The following BTD variants were observed in gnomAD, a reference collection of about 807,000 sequenced individuals.
The protein encoded by BTD is biocytinase.
A neutral mutation model predicts 17.7 loss-of-function variants in BTD; 13 were observed. The observed-to-expected ratio is 0.74, with a 90% CI of 0.48 to 1.17. The LOEUF is 1.17. Among genes scored for constraint, BTD ranks in the 50% most tolerant of loss-of-function variants. BTD has a pLI of 0.00. For missense variants in BTD, 674 were observed against 650.4 expected (o/e 1.04, Z -0.39); for synonymous variants, 240 against 245.2 (o/e 0.98, Z 0.20).
chr3:15,609,180 T>C (rs1385697176), intron 1 of BTD, among the ~76,000 whole-genome samples: 3 of 152,160 alleles, frequency 2.0e-5, no homozygotes, highest in Non-Finnish European at 4.4e-5. Context: ...AAAAATACAT[T>C]TAACATTTAT....
Position 15,614,565 on chromosome 3 carries a change from T to C in BTD, c.-17+12671T>C, listed in dbSNP as rs542733197. ...ATTCTAACGGCCATGCCACAAAATGTCTCCATTTGGTTTTATTTGACAATA... is the reference window on the plus strand; with the variant it reads ...ATTCTAACGGCCATGCCACAAAATGCCTCCATTTGGTTTTATTTGACAATA... On this transcript the variant is annotated intron_variant, in intron 1 of 3. Coordinates refer to ENST00000643237, the MANE Select transcript of BTD (RefSeq NM_001370658.1). Among the ~76,000 whole-genome samples, 5 of 151,992 alleles carry C rather than the reference T, an allele frequency of 3.3e-5. No homozygotes were observed. The South Asian group carries it at 1.0e-3, about 31-fold the overall frequency.
At chr3:15,614,888 C>T (rs924893813) in intron 1 of BTD, among the ~76,000 whole-genome samples, 6 of 152,284 alleles carry the variant, frequency 3.9e-5, no homozygotes, top group African/African-American at 1.4e-4. Flanking sequence ...TGAGCCACCA[C>T]TCCCAGCCAA....
intron 1 of BTD, among the ~76,000 whole-genome samples, chr3:15,623,580 T>C (rs2065001389): frequency 6.6e-6 from 1 of 152,234 alleles, no homozygotes; most frequent in South Asian, 2.1e-4. Context: ...TTCTCTGCTT[T>C]TGAAGGTTAA....
intron 3 of BTD, among the ~76,000 whole-genome samples, chr3:15,663,830 T>C (rs958127976): frequency 6.6e-6 from 1 of 152,246 alleles, no homozygotes; most frequent in African/African-American, 2.4e-5. Flanking sequence ...TTAATTCTTG[T>C]CTTCTGCTTA....
At chr3:15,706,500 T>C (rs183092951) in intron 3 of BTD, among the ~76,000 whole-genome samples, 37 of 152,308 alleles carry the variant, frequency 2.4e-4, no homozygotes, top group African/African-American at 8.7e-4. Flanking sequence ...TGATGGACAT[T>C]TGGGGTGGTT....
At chr3:15,605,211 A>G (rs540844881) in intron 1 of BTD, among the ~76,000 whole-genome samples, 7 of 152,372 alleles carry the variant, frequency 4.6e-5, no homozygotes, top group African/African-American at 1.4e-4. Context: ...ACAGTTCCAC[A>G]TGGCTGGAGA....
At chr3:15,721,205 T>C in intron 4 of BTD, 1 of 1,204,710 alleles carries the variant, frequency 8.3e-7, no homozygotes, top group Non-Finnish European at 1.2e-6. Flanking sequence ...TAGCAACCTG[T>C]GGTTGCAATC....
exon 4 of BTD, among the ~76,000 whole-genome samples, chr3:15,711,552 C>T (rs2072277036): frequency 6.6e-6 from 1 of 152,028 alleles, no homozygotes; most frequent in Non-Finnish European, 1.5e-5. Context: ...TGGGTGAGTC[C>T]ATTTATAGGA....
intron 3 of BTD, among the ~76,000 whole-genome samples, chr3:15,672,837 A>C (rs1182228476): frequency 6.6e-6 from 1 of 152,184 alleles, no homozygotes; most frequent in South Asian, 2.1e-4. Context: ...GTGCACTGGC[A>C]TGATCTCGGC....
chr3:15,615,321 G>A (rs2064761443), intron 1 of BTD, among the ~76,000 whole-genome samples: 1 of 152,150 alleles, frequency 6.6e-6, no homozygotes, highest in African/African-American at 2.4e-5. Flanking sequence ...ATTTTCCCCT[G>A]CTCAGAGCCC....
intron 1 of BTD, among the ~76,000 whole-genome samples, chr3:15,625,900 GTGTT>G (rs1396564899): frequency 3.3e-5 from 5 of 152,158 alleles, no homozygotes; most frequent in African/African-American, 7.2e-5. Flanking sequence ...GCCTTCCAAA[GTGTT>G]TGTTTATGAT....
chr3:15,652,104 G>A lies in BTD; in HGVS notation c.*6616G>A, dbSNP rs1010402711. Reference sequence around the variant, plus strand: ...AGCACTTTGGGAGGCCAAGCCTGGCGGATCACAAGGTTAGGAGTTCAAGAC... The same window carrying A: ...AGCACTTTGGGAGGCCAAGCCTGGCAGATCACAAGGTTAGGAGTTCAAGAC... On this transcript the variant is annotated 3_prime_UTR_variant, in exon 4 of 4. Coordinates refer to ENST00000643237, the MANE Select transcript of BTD (RefSeq NM_001370658.1). Among the ~76,000 whole-genome samples the A allele has an allele frequency of 7.2e-5, 11 of 152,198 alleles. No individual in the cohort carries two copies. The highest frequency in any genetic ancestry group is 1.2e-4 in the African/African-American group (5 of 41,452).
rs1553573254 is a variant in BTD, at chr3:15,674,196, A to AAAGAAG, written c.399+32145_399+32150dup. Among the ~76,000 whole-genome samples the AAAGAAG allele has an allele frequency of 6.0e-4, 78 of 130,166 alleles. 4 individuals are homozygous for AAAGAAG. The highest frequency in any genetic ancestry group is 2.5e-3 in the African/African-American group (77 of 30,758). 85.4% of individuals were successfully genotyped at this position (130,166 alleles called of 152,430 possible). A position where few individuals can be genotyped will look rare whatever the true frequency, so the allele number is the denominator to read the frequency against. On this transcript the variant is annotated intron_variant, in intron 3 of 3. Coordinates refer to the BTD transcript ENST00000672141. Reference sequence around the variant, plus strand: ...CTTCAAAAAAAAAAAAAAAAAAAAAAAAGAAGAAGAACCGAAATTCAAGAG... The same window carrying AAAGAAG: ...CTTCAAAAAAAAAAAAAAAAAAAAAAAAGAAGAAGAAGAAGAACCGAAATTCAAGAG...
At chr3:15,642,206 A>G (rs997674302) in intron 3 of BTD, 149 bp downstream of exon 3, 11 of 1,505,610 alleles carry the variant, frequency 7.3e-6, no homozygotes, top group East Asian at 4.9e-5. Context: ...CATGTGCCAC[A>G]TGTTCATTCC....
intron 3 of BTD, among the ~76,000 whole-genome samples, chr3:15,702,250 G>T (rs970805071): frequency 2.0e-5 from 3 of 152,304 alleles, no homozygotes; most frequent in African/African-American, 7.2e-5. Context: ...CAAAGCTTTA[G>T]AACAGTGGTT....
chr3:15,674,240 T>G (rs2066703921), intron 3 of BTD, among the ~76,000 whole-genome samples: 1 of 147,334 alleles, frequency 6.8e-6, no homozygotes, highest in South Asian at 2.2e-4. Context: ...TCTCATATAC[T>G]TTAAAAGGAT....
At chr3:15,601,420 G>T (rs753727327), upstream of BTD, 3 of 1,614,012 alleles carry the variant, frequency 1.9e-6, no homozygotes, top group Middle Eastern at 1.6e-4. Context: ...TTTAGCACCA[G>T]ACACCTGCTC....
chr3:15,692,416 C>T (rs1213914131), intron 3 of BTD, among the ~76,000 whole-genome samples: 5 of 152,100 alleles, frequency 3.3e-5, no homozygotes, highest in Admixed American at 6.5e-5. Context: ...TGCCACTACA[C>T]TCCAGCCTGG....
At chr3:15,605,337 T>G (rs1477888294) in intron 1 of BTD, among the ~76,000 whole-genome samples, 1 of 152,176 alleles carries the variant, frequency 6.6e-6, no homozygotes, top group Non-Finnish European at 1.5e-5. Context: ...AGCTTGAGAC[T>G]TATTTGCTAT....
Sources: gnomAD v4.1 joint callset for allele counts (sites outside exome capture counted in the v4.1 genomes callset) on GRCh38, gnomAD v4.1.1 for gene constraint, MANE v1.5 for transcripts, NCBI Gene and HGNC (gene_info 2026-07-23, HGNC 2026-07-21) for gene names.